Variants in NRF1 observed in about 807,000 individuals in gnomAD.
NRF1 encodes the protein nuclear respiratory factor 1, also known as alpha palindromic-binding protein.
NRF1 carries 5 observed loss-of-function variants against 58.5 expected under a neutral mutation model. The ratio of observed to expected loss-of-function variants is 0.09; its 90% confidence interval spans 0.04 to 0.18. NRF1 has a LOEUF of 0.18. Ranked by LOEUF, NRF1 falls within the 10% of genes least tolerant of loss-of-function variation. NRF1 has a pLI of 1.00. For missense variants in NRF1, 288 were observed against 657.7 expected, an observed-to-expected ratio of 0.44 and a Z score of 6.15; for synonymous variants, 224 against 246.7, an observed-to-expected ratio of 0.91 and a Z score of 0.86.
intron 1 of NRF1, among the ~76,000 whole-genome samples, chr7:129,626,099 C>A (rs1293021227): frequency 6.6e-6 from 1 of 152,184 alleles, no homozygotes; most frequent in Non-Finnish European, 1.5e-5. Context: ...GGATTACAGG[C>A]ATGAGCCACC....
chr7:129,699,146 A>G (rs765277189), intron 5 of NRF1, among the ~76,000 whole-genome samples: 5 of 152,236 alleles, frequency 3.3e-5, no homozygotes, highest in Admixed American at 1.3e-4. Flanking sequence ...GCAACAGGAT[A>G]GTAATTTACA....
At chr7:129,642,048 G>A (rs981712420) in intron 1 of NRF1, among the ~76,000 whole-genome samples, 1 of 150,370 alleles carries the variant, frequency 6.7e-6, no homozygotes, top group African/African-American at 2.4e-5. Flanking sequence ...GCACAACCTC[G>A]GCTCACTGCA....
chr7:129,678,479 T>A (rs1802234598), intron 4 of NRF1, among the ~76,000 whole-genome samples: 1 of 152,226 alleles, frequency 6.6e-6, no homozygotes, highest in Non-Finnish European at 1.5e-5. Flanking sequence ...GAATTAGTAA[T>A]CAATTGATCG....
chr7:129,676,631 C>G (rs1562967597), intron 3 of NRF1, among the ~76,000 whole-genome samples: 1 of 152,160 alleles, frequency 6.6e-6, no homozygotes, highest in East Asian at 1.9e-4. Flanking sequence ...GATCACTGAT[C>G]ACAGATCACT....
chr7:129,695,098 T>C (rs2151095157), intron 5 of NRF1, among the ~76,000 whole-genome samples: 1 of 152,318 alleles, frequency 6.6e-6, no homozygotes, highest in South Asian at 2.1e-4. Flanking sequence ...AAAAACTGAT[T>C]GTAAAGTAGC....
intron 5 of NRF1, among the ~76,000 whole-genome samples, chr7:129,700,679 A>G (rs561635799): frequency 1.3e-5 from 2 of 152,306 alleles, no homozygotes; most frequent in East Asian, 3.9e-4. Context: ...GCACTTTGGG[A>G]GGTCGAGGTA....
intron 1 of NRF1, among the ~76,000 whole-genome samples, chr7:129,653,279 A>G (rs1446645245): frequency 6.6e-6 from 1 of 152,200 alleles, no homozygotes; most frequent in Non-Finnish European, 1.5e-5. Flanking sequence ...AATTGGTTTT[A>G]AATAAAACTG....
chr7:129,670,643 A>T (rs1692498123), intron 2 of NRF1, among the ~76,000 whole-genome samples: 1 of 152,220 alleles, frequency 6.6e-6, no homozygotes, highest in Non-Finnish European at 1.5e-5. Context: ...ATGTCTTTTT[A>T]AAAAGATTGT....
intron 1 of NRF1, among the ~76,000 whole-genome samples, chr7:129,637,127 G>C (rs1801183453): frequency 1.3e-5 from 2 of 152,088 alleles, no homozygotes; most frequent in African/African-American, 4.8e-5. Context: ...CTGGAGTTCT[G>C]AGTGGTGAGG....
Position 129,709,085 on chromosome 7 carries a change from G to T in NRF1, c.617G>T (p.Arg206Leu). The T allele has an allele frequency of 6.4e-7, 1 of 1,553,392 alleles. No homozygotes were observed. Among genetic ancestry groups the T allele is most frequent in the Non-Finnish European group, 8.7e-7 (1 of 1,147,724 alleles). The change falls in exon 6 of 11, where the codon CGG becomes CTG. Residue 206 changes from arginine to leucine, a missense_variant. By Grantham distance (102) the Arg-to-Leu change is moderately radical. Around this residue, in one of 3 missense-constraint regions of NRF1, gnomAD observed 212 missense variants for 559.7 expected, o/e 0.38. Transcript: ENST00000393232. ...ACTGTTCTCTTCCAGGCCCAGCTTC[G>T]GGCATTTATCCCAGAGATGCTCAAG... ...SVDKMTQAQL[R>L]AFIPEMLKYS...
Position 129,663,538 on chromosome 7 carries a change from G to A in NRF1, c.223+5964G>A, listed in dbSNP as rs1391345215. Among the ~76,000 whole-genome samples the A allele has an allele frequency of 8.6e-5, 13 of 150,478 alleles. No individual in the cohort carries two copies. The East Asian group carries it at 1.4e-3, about 16-fold the overall frequency. On this transcript the variant is annotated intron_variant, in intron 2 of 10. Coordinates refer to ENST00000393232, the MANE Select transcript of NRF1 (RefSeq NM_005011.5). ...TCCCCACCTCCCAGACGGGGTGGCC[G>A]GGCAGAGGGCTGCTCACATCCCAGA...
intron 1 of NRF1, among the ~76,000 whole-genome samples, chr7:129,642,756 AAT>A (rs534322728): frequency 0.01 from 1,359 of 131,680 alleles, 44 homozygotes; most frequent in African/African-American, 0.031. Context: ...TTCTTTAAAA[AAT>A]TTTTTTTTTT....
chr7:129,751,807 C>G (rs1433317725), intron 10 of NRF1, among the ~76,000 whole-genome samples: 2 of 152,258 alleles, frequency 1.3e-5, no homozygotes, highest in Non-Finnish European at 2.9e-5. Context: ...ACACAGGTGT[C>G]TTGGCTTTGC....
At chr7:129,621,766 G>T in intron 1 of NRF1, among the ~76,000 whole-genome samples, 1 of 148,212 alleles carries the variant, frequency 6.7e-6, no homozygotes, top group South Asian at 2.1e-4. Flanking sequence ...TATTTTAAAA[G>T]TTTTTCTCCA....
Position 129,730,583 on chromosome 7 carries a change from C to T in NRF1, c.1348+3218C>T, listed in dbSNP as rs553181456. Among the ~76,000 whole-genome samples the T allele has an allele frequency of 2.6e-5, 4 of 152,258 alleles. No homozygotes were observed. In the South Asian group the frequency reaches 8.3e-4, roughly 32 times the overall value. On this transcript the variant is annotated intron_variant, in intron 10 of 10. Transcript: ENST00000393232. ...AACTAGCAGGGATAGAGGACCACTG[C>T]ATGTGGAGCCTGATGAAGTCCATAA... is the stretch of plus-strand genomic sequence containing the variant.
intron 10 of NRF1, among the ~76,000 whole-genome samples, 180 bp downstream of exon 10, chr7:129,727,545 A>C (rs1803477760): frequency 6.6e-6 from 1 of 152,164 alleles, no homozygotes; most frequent in South Asian, 2.1e-4. Flanking sequence ...AGTAGGAAAC[A>C]TGGGGGTTCC....
chr7:129,659,834 C>T (rs1801741842), intron 2 of NRF1, among the ~76,000 whole-genome samples: 1 of 152,156 alleles, frequency 6.6e-6, no homozygotes, highest in Non-Finnish European at 1.5e-5. Flanking sequence ...GTCTCTTAAC[C>T]ATCTGTTCTG....
rs1190333169 is a variant in NRF1 at position 129,681,650 on chromosome 7, T to C, written c.465+3892T>C. Among the ~76,000 whole-genome samples the C allele has an allele frequency of 5.9e-5, 9 of 152,300 alleles. No individual in the cohort carries two copies. The East Asian group carries it at 1.7e-3, about 29-fold the overall frequency. ...GTGTAGTGGCACAATCTCAGCTCAC[T>C]GCAATCTCCTCCTCTTGGGTTCAAG... On this transcript the variant is annotated intron_variant, in intron 4 of 10. Transcript: ENST00000393232.
intron 1 of NRF1, among the ~76,000 whole-genome samples, chr7:129,635,091 AAAAC>A (rs1801139385): frequency 6.6e-6 from 1 of 152,218 alleles, no homozygotes; most frequent in Non-Finnish European, 1.5e-5. Flanking sequence ...AAGGCAAAAT[AAAAC>A]AAGTCCAAGT....
Sources: gnomAD v4.1 joint callset for allele counts (sites outside exome capture counted in the v4.1 genomes callset) on GRCh38, gnomAD v4.1.1 for gene constraint, gnomAD v4.1.1 regional missense constraint, MANE v1.5 for transcripts, NCBI Gene and HGNC (gene_info 2026-07-23, HGNC 2026-07-21) for gene names.